TAFA1: variants seen among roughly 807,000 people sequenced by gnomAD.
TAFA1 encodes TAFA chemokine like family member 1, also known as chemokine-like protein TAFA-1.
A neutral mutation model predicts 18.5 loss-of-function variants in TAFA1; 4 were observed. That is an observed-to-expected ratio of 0.22 (90% CI 0.11 to 0.49). TAFA1 has a LOEUF of 0.49. Ranked by LOEUF, TAFA1 falls within the 20% of genes least tolerant of loss-of-function variation. TAFA1 has a pLI of 0.98. For missense variants in TAFA1, 147 were observed against 169.0 expected (o/e 0.87, Z 0.72); for synonymous variants, 56 against 55.2 (o/e 1.01, Z -0.06).
At chr3:68,273,365 G>C (rs1490616281) in intron 2 of TAFA1, among the ~76,000 whole-genome samples, 1 of 152,188 alleles carries the variant, frequency 6.6e-6, no homozygotes, top group Non-Finnish European at 1.5e-5. Context: ...ACGTGGCCTT[G>C]TAATGTGTTG....
chr3:68,219,430 C>T (rs2066703366), intron 2 of TAFA1, among the ~76,000 whole-genome samples: 2 of 152,100 alleles, frequency 1.3e-5, no homozygotes, highest in Admixed American at 1.3e-4. Flanking sequence ...GTTACCCTAT[C>T]TTTTGGCCTT....
At chr3:68,178,669 A>G (rs774458678) in intron 2 of TAFA1, among the ~76,000 whole-genome samples, 67 of 152,266 alleles carry the variant, frequency 4.4e-4, no homozygotes, top group Non-Finnish European at 8.2e-4. Flanking sequence ...GGCATGCACA[A>G]GGATCTGAAA....
At chr3:68,029,698 T>A (rs1704890312) in intron 2 of TAFA1, among the ~76,000 whole-genome samples, 1 of 152,358 alleles carries the variant, frequency 6.6e-6, no homozygotes, top group East Asian at 1.9e-4. Flanking sequence ...AAGTAGCGGA[T>A]GTACTCTTAC....
intron 3 of TAFA1, among the ~76,000 whole-genome samples, chr3:68,503,083 G>A (rs1046359631): frequency 6.6e-6 from 1 of 152,142 alleles, no homozygotes; most frequent in African/African-American, 2.4e-5. Context: ...TGTTTTGAGT[G>A]CCAGCATGAC....
intron 3 of TAFA1, among the ~76,000 whole-genome samples, chr3:68,443,473 C>CAAAAAAA (rs56944130): frequency 1.0e-4 from 10 of 96,016 alleles, no homozygotes; most frequent in African/African-American, 1.5e-4. Context: ...GGGCAATTTA[C>CAAAAAAA]AAAAAAAAAA....
At chr3:68,428,637 G>A (rs775959470) in intron 3 of TAFA1, among the ~76,000 whole-genome samples, 14 of 151,910 alleles carry the variant, frequency 9.2e-5, no homozygotes, top group East Asian at 3.9e-4. Flanking sequence ...CACCTGTTTC[G>A]TTTATGAAAT....
At chr3:68,269,364 G>C (rs995987903) in intron 2 of TAFA1, among the ~76,000 whole-genome samples, 4 of 152,126 alleles carry the variant, frequency 2.6e-5, no homozygotes, top group African/African-American at 7.2e-5. Context: ...GCTAAGGTGG[G>C]AGGATCCCTT....
intron 2 of TAFA1, among the ~76,000 whole-genome samples, chr3:68,212,135 A>G (rs1449558759): frequency 1.3e-5 from 2 of 151,880 alleles, no homozygotes; most frequent in African/African-American, 2.4e-5. Context: ...CTCAAGAACA[A>G]CAGCCTGAGT....
At position 68,236,137 on chromosome 3, in the gene TAFA1, A is replaced by G. The variant is rs75265866; in HGVS notation, c.119-181143A>G. Reference sequence around the variant, plus strand: ...CCTTGTTATACAAAGTTGATGCTCAATAAAGGCAGAACACCAAAAGCCTCA... The same window carrying G: ...CCTTGTTATACAAAGTTGATGCTCAGTAAAGGCAGAACACCAAAAGCCTCA... On this transcript the variant is annotated intron_variant, in intron 2 of 4. Coordinates refer to ENST00000478136, the MANE Select transcript of TAFA1 (RefSeq NM_213609.4). 4.6e-5 allele frequency among the ~76,000 whole-genome samples: 7 copies of G among 152,334 alleles called. No individual in the cohort carries two copies. The East Asian group carries it at 1.2e-3, about 25-fold the overall frequency.
At chr3:68,326,733 G>C (rs994554) in intron 2 of TAFA1, among the ~76,000 whole-genome samples, 7,663 of 152,152 alleles carry the variant, frequency 0.05, 236 homozygotes, top group African/African-American at 0.086. Flanking sequence ...AGACACAATA[G>C]CACACTTATC....
At chr3:68,417,655 A>G in intron 3 of TAFA1, 1 of 498,704 alleles carries the variant, frequency 2.0e-6, no homozygotes, top group Non-Finnish European at 3.6e-6. Context: ...TGCAGCATTG[A>G]GAGGTGGGAC....
chr3:68,347,377 T>C (rs1279176000), intron 2 of TAFA1, among the ~76,000 whole-genome samples: 1 of 152,170 alleles, frequency 6.6e-6, no homozygotes, highest in Middle Eastern at 3.2e-3. Flanking sequence ...TTAAATTCTG[T>C]TATTGTTTGC....
intron 2 of TAFA1, among the ~76,000 whole-genome samples, chr3:68,064,952 C>A (rs1416455045): frequency 2.0e-5 from 3 of 151,958 alleles, no homozygotes. Flanking sequence ...AGCTAATTAT[C>A]ACTTTCCATG....
At position 68,499,446 on chromosome 3, in the gene TAFA1, CT is replaced by C. The variant is rs752597708; in HGVS notation, c.260-39292del. ...GTTTTCTTTCTTTCTGTGTTCCTTT[CT>C]TTTTTTTTTTTTTTTTTGAGAAGAC... On this transcript the variant is annotated intron_variant, in intron 3 of 4. Coordinates refer to ENST00000478136, the MANE Select transcript of TAFA1 (RefSeq NM_213609.4). Among the ~76,000 whole-genome samples the C allele has an allele frequency of 8.1e-3, 911 of 112,154 alleles. 3 individuals carry two copies. The highest frequency in any genetic ancestry group is 0.025 in the African/African-American group (796 of 31,234). The allele number at this position is 112,154 out of a possible 152,430, so 73.6% of individuals were successfully genotyped here.
chr3:68,528,443 T>C (rs1417475606), intron 3 of TAFA1, among the ~76,000 whole-genome samples: 6 of 152,214 alleles, frequency 3.9e-5, no homozygotes, highest in African/African-American at 2.4e-5. Context: ...TATGTGCTCA[T>C]AGAAAAGCGA....
intron 2 of TAFA1, among the ~76,000 whole-genome samples, chr3:68,405,699 C>CCAAAA (rs1559655011): frequency 2.1e-4 from 7 of 32,890 alleles, no homozygotes; most frequent in Non-Finnish European, 5.4e-4. Context: ...GACTCTATCT[C>CCAAAA]AAAAAAAAAA....
chr3:68,084,085 G>T (rs142971671), intron 2 of TAFA1, among the ~76,000 whole-genome samples: 1,873 of 152,168 alleles, frequency 0.012, 45 homozygotes, highest in African/African-American at 0.043. Flanking sequence ...TAATTGGCTG[G>T]GTACCCTCAG....
At chr3:68,401,107 G>T (rs2070479657) in intron 2 of TAFA1, among the ~76,000 whole-genome samples, 1 of 152,152 alleles carries the variant, frequency 6.6e-6, no homozygotes, top group African/African-American at 2.4e-5. Context: ...CTTGGTAGAG[G>T]CAGACAATGT....
At chr3:68,044,153 C>G (rs987686610) in intron 2 of TAFA1, among the ~76,000 whole-genome samples, 1 of 152,176 alleles carries the variant, frequency 6.6e-6, no homozygotes, top group Non-Finnish European at 1.5e-5. Flanking sequence ...TTCCTTCATT[C>G]TTCTTTCCTA....
Sources: gnomAD v4.1 joint callset for allele counts (sites outside exome capture counted in the v4.1 genomes callset) on GRCh38, gnomAD v4.1.1 for gene constraint, MANE v1.5 for transcripts, NCBI Gene and HGNC (gene_info 2026-07-23, HGNC 2026-07-21) for gene names.